PDE1C: variants seen among roughly 807,000 people sequenced by gnomAD.
The protein encoded by PDE1C is dual specificity calcium/calmodulin-dependent 3',5'-cyclic nucleotide phosphodiesterase 1C.
A neutral mutation model predicts 93.1 loss-of-function variants in PDE1C; 62 were observed. That is an observed-to-expected ratio of 0.67 (90% CI 0.54 to 0.82). The LOEUF is 0.82. Ranked by LOEUF, PDE1C falls within the 40% of genes least tolerant of loss-of-function variation. The pLI, the probability that PDE1C is intolerant of heterozygous loss-of-function variation, is 0.00. For synonymous variants in PDE1C, 325 were observed against 310.1 expected (o/e 1.05, Z -0.50); for missense variants, 742 against 884.6 (o/e 0.84, Z 2.04).
At chr7:31,840,887 G>A (rs1562900071) in intron 9 of PDE1C, among the ~76,000 whole-genome samples, 1 of 151,894 alleles carries the variant, frequency 6.6e-6, no homozygotes, top group Non-Finnish European at 1.5e-5. Context: ...GTATTATTTG[G>A]CATTTCTATA....
chr7:31,803,396 CTTT>C lies in PDE1C; in HGVS notation c.1891+5632_1891+5634del, dbSNP rs1554339932. ...TTGGTTTCAATTGGTTGGGCTTTTTCTTTTTATTATTATTATTATTATTATACT... is the reference window on the plus strand; with the variant it reads ...TTGGTTTCAATTGGTTGGGCTTTTTCTTATTATTATTATTATTATTATACT... On this transcript the variant is annotated intron_variant, in intron 16 of 17. Coordinates refer to ENST00000396191, the MANE Select transcript of PDE1C (RefSeq NM_001191057.4). Among the ~76,000 whole-genome samples, 467 of 108,982 alleles carry C rather than the reference CTTT, an allele frequency of 4.3e-3. 1 individual carries two copies. Among genetic ancestry groups the C allele is most frequent in the African/African-American group, 0.014 (436 of 30,338 alleles). 71.5% of individuals were successfully genotyped at this position (108,982 alleles called of 152,430 possible).
At chr7:31,882,911 T>C (rs967446237) in intron 2 of PDE1C, among the ~76,000 whole-genome samples, 13 of 152,194 alleles carry the variant, frequency 8.5e-5, no homozygotes, top group Non-Finnish European at 1.3e-4. Flanking sequence ...AAGTAAAACC[T>C]GTATAAGCAG....
chr7:31,965,634 G>A (rs1809805059), intron 2 of PDE1C, among the ~76,000 whole-genome samples: 1 of 152,114 alleles, frequency 6.6e-6, no homozygotes, highest in Non-Finnish European at 1.5e-5. Flanking sequence ...CTCGAGAAGA[G>A]CAATTCCAAG....
chr7:31,959,030 A>T (rs10260819), intron 2 of PDE1C, among the ~76,000 whole-genome samples: 2,669 of 152,216 alleles, frequency 0.018, 70 homozygotes, highest in African/African-American at 0.058. Flanking sequence ...ATGAAAACCA[A>T]CAGAAAATAA....
intron 17 of PDE1C, among the ~76,000 whole-genome samples, chr7:31,766,813 T>C (rs2128617484): frequency 6.6e-6 from 1 of 152,240 alleles, no homozygotes; most frequent in East Asian, 1.9e-4. Flanking sequence ...AATAGGAGAA[T>C]GATTATATGT....
At chr7:31,950,056 A>G (rs1807153663) in intron 2 of PDE1C, among the ~76,000 whole-genome samples, 1 of 152,246 alleles carries the variant, frequency 6.6e-6, no homozygotes, top group South Asian at 2.1e-4. Flanking sequence ...TACTTAATAA[A>G]GAAAAGTTAT....
intron 17 of PDE1C, 118 bp downstream of exon 17, chr7:31,775,546 G>T: frequency 1.3e-6 from 1 of 773,784 alleles, no homozygotes; most frequent in Non-Finnish European, 2.2e-6. Flanking sequence ...CTCTGATAAC[G>T]TGAGTAGACT....
At chr7:32,228,693 CA>C (rs1489342001) in intron 1 of PDE1C, among the ~76,000 whole-genome samples, 2 of 152,200 alleles carry the variant, frequency 1.3e-5, no homozygotes, top group African/African-American at 4.8e-5. Flanking sequence ...ATGGGTGATC[CA>C]GTGCTTCTGC....
At chr7:32,159,567 T>C (rs1163477386) in intron 3 of PDE1C, among the ~76,000 whole-genome samples, 1 of 152,160 alleles carries the variant, frequency 6.6e-6, no homozygotes, top group East Asian at 1.9e-4. Context: ...TAGAGTCCCA[T>C]ATCAGTAGGC....
At chr7:31,619,837 G>T in the PDE1C span, among the ~76,000 whole-genome samples, 3 of 152,302 alleles carry the variant, frequency 2.0e-5, no homozygotes, top group African/African-American at 7.2e-5. Context: ...AGGGGTCAGG[G>T]AGTTCCCTTT....
the PDE1C span, among the ~76,000 whole-genome samples, chr7:31,702,877 G>A: frequency 6.6e-6 from 1 of 152,140 alleles, no homozygotes; most frequent in Non-Finnish European, 1.5e-5. Context: ...GCTTGTATCT[G>A]TTTTTATTGA....
intron 16 of PDE1C, among the ~76,000 whole-genome samples, chr7:31,805,325 T>C (rs1325631394): frequency 6.6e-6 from 1 of 151,778 alleles, no homozygotes; most frequent in Non-Finnish European, 1.5e-5. Flanking sequence ...CTTATAATTG[T>C]TGATTTCTGG....
chr7:31,989,001 A>C (rs1328672374), intron 2 of PDE1C, among the ~76,000 whole-genome samples: 4 of 147,532 alleles, frequency 2.7e-5, no homozygotes, highest in Middle Eastern at 6.9e-3. Flanking sequence ...TTCTCAAAAA[A>C]AAAAAAAAAA....
chr7:31,840,294 A>G (rs915662377), intron 9 of PDE1C, among the ~76,000 whole-genome samples: 2 of 152,062 alleles, frequency 1.3e-5, no homozygotes, highest in Admixed American at 1.3e-4. Flanking sequence ...TCTGTTTCAA[A>G]CCTTTCTCAT....
At chr7:31,701,624 T>G in the PDE1C span, among the ~76,000 whole-genome samples, 1 of 152,238 alleles carries the variant, frequency 6.6e-6, no homozygotes, top group African/African-American at 2.4e-5. Context: ...CATCACATAC[T>G]AGAGCAAACT....
At chr7:32,173,544 T>A (rs1229549108) in intron 2 of PDE1C, among the ~76,000 whole-genome samples, 1 of 151,522 alleles carries the variant, frequency 6.6e-6, no homozygotes, top group African/African-American at 2.4e-5. Context: ...AAAAACACTG[T>A]CAGATCACTA....
chr7:32,327,009 T>C (rs1028276465), intron 1 of PDE1C, among the ~76,000 whole-genome samples: 5 of 152,144 alleles, frequency 3.3e-5, no homozygotes, highest in African/African-American at 9.7e-5. Flanking sequence ...ATCCACCTAA[T>C]AACATGAGCA....
chr7:31,700,886 G>C, the PDE1C span, among the ~76,000 whole-genome samples: 3 of 152,128 alleles, frequency 2.0e-5, no homozygotes, highest in Non-Finnish European at 4.4e-5. Flanking sequence ...TAAGCCTACT[G>C]TTTAGACCTA....
At chr7:32,298,849 C>A in exon 1 of PDE1C, 1 of 1,416,096 alleles carries the variant, frequency 7.1e-7, no homozygotes, top group Non-Finnish European at 9.1e-7. Flanking sequence ...GGCCGCGCCG[C>A]GCTGTCACTC....
Sources: gnomAD v4.1 joint callset for allele counts (sites outside exome capture counted in the v4.1 genomes callset) on GRCh38, gnomAD v4.1.1 for gene constraint, MANE v1.5 for transcripts, NCBI Gene and HGNC (gene_info 2026-07-23, HGNC 2026-07-21) for gene names.